Variants in ACADSB observed in about 807,000 individuals in gnomAD.
The protein encoded by ACADSB is short/branched chain specific acyl-CoA dehydrogenase, mitochondrial.
ACADSB carries 40 observed loss-of-function variants against 54.1 expected under a neutral mutation model. The ratio of observed to expected loss-of-function variants is 0.74; its 90% CI spans 0.57 to 0.96. The LOEUF (loss-of-function observed/expected upper bound fraction) is 0.96. ACADSB is among the 40% of genes least tolerant of loss of function. The pLI is 0.00. For missense variants in ACADSB, 530 were observed against 510.4 expected (o/e 1.04, Z -0.37); for synonymous variants, 182 against 182.8 (o/e 1.00, Z 0.03).
intron 1 of ACADSB, among the ~76,000 whole-genome samples, chr10:123,024,128 C>T (rs1271464819): frequency 2.0e-5 from 3 of 152,244 alleles, no homozygotes; most frequent in Admixed American, 6.5e-5. Flanking sequence ...GATAAGGCCA[C>T]GCTTTCCCAT....
chr10:123,041,309 CA>C lies in ACADSB; in HGVS notation c.614del (p.Lys205ArgfsTer15). ...GGAGATTATTATGTCCTCAATGGATCAAAGATGTGGATCAGCAGTGCTGAGC... is the reference window on the plus strand; with the variant it reads ...GGAGATTATTATGTCCTCAATGGATCAAGATGTGGATCAGCAGTGCTGAGC... ...KEGDYYVLNG[S>X]KMWISSAEHA... On this transcript the variant is annotated frameshift_variant, in exon 5 of 11. Transcript: ENST00000358776. LOFTEE classifies it high-confidence loss of function. 1.2e-6 allele frequency: 2 copies of C among 1,614,174 alleles called. No homozygotes were observed. The highest frequency in any genetic ancestry group is 1.7e-6 in the Non-Finnish European group (2 of 1,180,010).
At chr10:123,049,383 G>A (rs148113721) in intron 8 of ACADSB, among the ~76,000 whole-genome samples, 1 of 152,314 alleles carries the variant, frequency 6.6e-6, no homozygotes, top group Non-Finnish European at 1.5e-5. Context: ...GTTAGGGAAC[G>A]AGTATTCAGC....
At chr10:123,050,264 T>A (rs1850611570) in intron 8 of ACADSB, among the ~76,000 whole-genome samples, 1 of 152,240 alleles carries the variant, frequency 6.6e-6, no homozygotes, top group Non-Finnish European at 1.5e-5. Flanking sequence ...TAATTGTCTG[T>A]TCTTCCTGCT....
chr10:123,031,650 T>C (rs1333893784), intron 1 of ACADSB, among the ~76,000 whole-genome samples: 2 of 152,142 alleles, frequency 1.3e-5, no homozygotes, highest in East Asian at 3.8e-4. Context: ...AAATGGAAAA[T>C]TTTTTCTGCC....
intron 1 of ACADSB, among the ~76,000 whole-genome samples, chr10:123,013,541 A>G (rs903182264): frequency 1.3e-5 from 2 of 152,236 alleles, no homozygotes; most frequent in East Asian, 1.9e-4. Flanking sequence ...GACTGGGTGC[A>G]GTGGAGCAGG....
chr10:123,050,084 A>G (rs1399755107), intron 8 of ACADSB, among the ~76,000 whole-genome samples: 1 of 152,222 alleles, frequency 6.6e-6, no homozygotes, highest in Non-Finnish European at 1.5e-5. Context: ...TGTGTATCAC[A>G]TATTTCAGAA....
intron 1 of ACADSB, among the ~76,000 whole-genome samples, chr10:123,026,704 T>C (rs1298666242): frequency 6.9e-6 from 1 of 145,652 alleles, no homozygotes; most frequent in African/African-American, 2.5e-5. Flanking sequence ...TATGCAAATA[T>C]CTCTTGAATA....
intron 1 of ACADSB, among the ~76,000 whole-genome samples, chr10:123,029,309 G>A (rs930078255): frequency 3.3e-5 from 5 of 151,026 alleles, no homozygotes; most frequent in Non-Finnish European, 5.9e-5. Flanking sequence ...CCACGACACT[G>A]CACTCCAGCC....
chr10:123,020,434 A>G (rs566639435), intron 1 of ACADSB, among the ~76,000 whole-genome samples: 2 of 152,358 alleles, frequency 1.3e-5, no homozygotes, highest in South Asian at 4.1e-4. Context: ...CTGGGATTCC[A>G]AATGGGTCGC....
chr10:123,009,028 G>C lies in ACADSB; in HGVS notation c.-2G>C, dbSNP rs1248703910. The C allele has an allele frequency of 1.3e-6, 2 of 1,548,126 alleles. No individual in the cohort carries two copies. The highest frequency in any genetic ancestry group is 1.7e-6 in the Non-Finnish European group (2 of 1,146,858). ...CGCAGAGCGGAGAGGCCTGCGGCGA[G>C]GATGGAGGGCCTGGCAGTGCGGTTG... is the stretch of plus-strand genomic sequence containing the variant. On this transcript the variant is annotated 5_prime_UTR_variant, in exon 1 of 11. Transcript: ENST00000358776.
chr10:123,013,278 G>A (rs561899362), intron 1 of ACADSB, among the ~76,000 whole-genome samples: 9 of 152,324 alleles, frequency 5.9e-5, no homozygotes, highest in South Asian at 2.1e-4. Flanking sequence ...ACAGAGTACC[G>A]ATTGGTGCAT....
In ACADSB at chr10:123,052,229, G is replaced by T. The variant is rs1048951911; in HGVS notation, c.1129-832G>T. 6.6e-6 allele frequency among the ~76,000 whole-genome samples: 1 copy of T among 152,304 alleles called. No homozygotes were observed. Among genetic ancestry groups the T allele is most frequent in the East Asian group, 1.9e-4 (1 of 5,184 alleles). The stretch of plus-strand genomic sequence containing the variant: ...GCAGTTTCATTTTCTGTCACTTCTA[G>T]AGGTCAGAAATCTGAAATGGGTCTC... On this transcript the variant is annotated intron_variant, in intron 9 of 10. Transcript: ENST00000358776. The surrounding 1 kb of genome is among the most constrained non-coding windows in gnomAD (Gnocchi z 4.2).
intron 5 of ACADSB, 43 bp from the exon 6 acceptor site, chr10:123,043,003 T>G: frequency 1.2e-6 from 2 of 1,606,920 alleles, no homozygotes; most frequent in Non-Finnish European, 1.7e-6. Flanking sequence ...ACAAGGCGTT[T>G]TATAAATCCA....
chr10:123,044,762 T>C (rs1358362309), intron 7 of ACADSB, among the ~76,000 whole-genome samples: 1 of 152,188 alleles, frequency 6.6e-6, no homozygotes, highest in Non-Finnish European at 1.5e-5. Flanking sequence ...TTCAAATGTA[T>C]TGTAAATTAA....
At chr10:123,050,536 A>G (rs7910553) in intron 8 of ACADSB, among the ~76,000 whole-genome samples, 149,825 of 152,342 alleles carry the variant, frequency 0.98, 73,731 homozygotes, top group Middle Eastern at 1. Flanking sequence ...AACATTTAGT[A>G]TGGACCTAAT....
rs137852649 is a variant in ACADSB at position 123,043,127 on chromosome 10, C to T, written c.763C>T (p.Leu255Phe). The change falls in exon 6 of 11, where the codon CTC becomes TTC. Residue 255 changes from leucine to phenylalanine, a missense_variant. Transcript: ENST00000358776. ...HIGKPENKLG[L>F]RASSTCPLTF... ...AGGGAAACCTGAAAACAAATTGGGGCTCAGAGCTTCTTCCACCTGCCCGTT... is the reference window on the plus strand; with the variant it reads ...AGGGAAACCTGAAAACAAATTGGGGTTCAGAGCTTCTTCCACCTGCCCGTT... 2.2e-5 allele frequency: 35 copies of T among 1,613,864 alleles called. No individual in the cohort carries two copies. Among genetic ancestry groups the T allele is most frequent in the Non-Finnish European group, 3.0e-5 (35 of 1,179,924 alleles).
chr10:123,034,327 T>G, intron 1 of ACADSB, 29 bp from the exon 2 acceptor site: 1 of 1,609,218 alleles, frequency 6.2e-7, no homozygotes, highest in Non-Finnish European at 8.5e-7. Context: ...TTCAAGTACC[T>G]TTCTTTCATG....
intron 8 of ACADSB, among the ~76,000 whole-genome samples, chr10:123,048,816 C>T (rs1342940149): frequency 6.6e-6 from 1 of 152,114 alleles, no homozygotes; most frequent in Non-Finnish European, 1.5e-5. Flanking sequence ...GCAAGCTCTG[C>T]CTCCCAGGTT....
intron 9 of ACADSB, 30 bp downstream of exon 9, chr10:123,051,216 A>G: frequency 7.4e-7 from 1 of 1,343,958 alleles, no homozygotes; most frequent in Non-Finnish European, 9.7e-7. Context: ...AAAAAAAGGA[A>G]AAAGTAATTC....
Sources: allele counts gnomAD v4.1 joint callset (sites outside exome capture counted in the v4.1 genomes callset), GRCh38; gene constraint gnomAD v4.1.1; non-coding constraint Gnocchi (gnomAD v3.1); transcripts MANE v1.5; gene names NCBI Gene and HGNC (gene_info 2026-07-23, HGNC 2026-07-21).